The following DSCAML1 variants were observed in gnomAD, a reference collection of about 807,000 sequenced individuals.
The protein encoded by DSCAML1 is cell adhesion molecule DSCAML1.
DSCAML1 carries 38 observed loss-of-function variants against 200.5 expected under a neutral mutation model. That is an observed-to-expected ratio of 0.19 (90% CI 0.15 to 0.25). The LOEUF (loss-of-function observed/expected upper bound fraction) is 0.25, where lower values mean the gene tolerates loss of function less well. DSCAML1 is among the 10% of genes least tolerant of loss of function. The pLI, the probability that DSCAML1 is intolerant of heterozygous loss-of-function variation, is 1.00. For missense variants in DSCAML1, 2,223 were observed against 2,858.8 expected, an observed-to-expected ratio of 0.78 and a Z score of 5.07; for synonymous variants, 1,215 against 1,165.0, an observed-to-expected ratio of 1.04 and a Z score of -0.87.
chr11:117,448,875 T>C (rs959704492), intron 20 of DSCAML1, among the ~76,000 whole-genome samples: 2 of 152,114 alleles, frequency 1.3e-5, no homozygotes, highest in Non-Finnish European at 2.9e-5. Context: ...CAGAGATCCA[T>C]GCCCATGAGC....
At chr11:117,812,526 T>C (rs2055769720) in intron 1 of DSCAML1, among the ~76,000 whole-genome samples, 2 of 152,016 alleles carry the variant, frequency 1.3e-5, no homozygotes, top group South Asian at 4.1e-4. Context: ...TCAAACGTGC[T>C]TTCTTTACTA....
Position 117,430,787 on chromosome 11 carries a change from G to A in DSCAML1, c.5621C>T (p.Pro1874Leu). ...PGICRFTASP[P>L]KPQDADRGKN... ...GCCCCGGTCCGCATCCTGGGGCTTGGGTGGTGAGGCGGTAAAGCGGCAGAT... is the reference window on the plus strand; with the variant it reads ...GCCCCGGTCCGCATCCTGGGGCTTGAGTGGTGAGGCGGTAAAGCGGCAGAT... The change falls in exon 32 of 33, where the codon CCC becomes CTC. Residue 1874 changes from proline to leucine, a missense_variant. Pro to Leu is a moderately conservative substitution (Grantham distance 98). Coordinates refer to ENST00000651296, the MANE Select transcript of DSCAML1 (RefSeq NM_020693.4). The A allele has an allele frequency of 6.2e-7, 1 of 1,614,162 alleles. No homozygotes were observed. Among genetic ancestry groups the A allele is most frequent in the Middle Eastern group, 1.6e-4 (1 of 6,062 alleles).
intron 1 of DSCAML1, among the ~76,000 whole-genome samples, chr11:117,812,581 C>G (rs539145663): frequency 1.7e-4 from 26 of 152,008 alleles, no homozygotes; most frequent in Non-Finnish European, 3.4e-4. Flanking sequence ...TTCACTTGGA[C>G]TGACCCTGAC....
intron 3 of DSCAML1, among the ~76,000 whole-genome samples, chr11:117,585,904 G>T (rs116232693): frequency 5.9e-5 from 9 of 152,156 alleles, no homozygotes; most frequent in Non-Finnish European, 1.0e-4. Flanking sequence ...GATACCATGC[G>T]CCTTGCACTG....
intron 3 of DSCAML1, among the ~76,000 whole-genome samples, chr11:117,633,140 C>T (rs888136997): frequency 6.6e-6 from 1 of 152,028 alleles, no homozygotes; most frequent in African/African-American, 2.4e-5. Flanking sequence ...GGTGACAACT[C>T]CACTGAGAAG....
intron 3 of DSCAML1, among the ~76,000 whole-genome samples, chr11:117,565,646 A>C (rs1214374841): frequency 6.6e-6 from 1 of 152,208 alleles, no homozygotes; most frequent in Admixed American, 6.5e-5. Context: ...GGGTGGCAGG[A>C]AATGGCTTCA....
intron 16 of DSCAML1, among the ~76,000 whole-genome samples, chr11:117,466,655 C>T (rs2048586291): frequency 6.6e-6 from 1 of 152,006 alleles, no homozygotes; most frequent in Non-Finnish European, 1.5e-5. Flanking sequence ...GAGCCAAGAT[C>T]GACAGAGTGA....
intron 1 of DSCAML1, among the ~76,000 whole-genome samples, chr11:117,794,999 C>T (rs924100808): frequency 1.2e-4 from 18 of 152,336 alleles, no homozygotes; most frequent in African/African-American, 4.8e-5. Context: ...ACTTCCATCT[C>T]GAGTTGGACA....
chr11:117,436,960 C>T (rs2047929841), intron 26 of DSCAML1, among the ~76,000 whole-genome samples, 162 bp downstream of exon 26: 2 of 152,172 alleles, frequency 1.3e-5, no homozygotes. Flanking sequence ...AACCTGATGT[C>T]CCCTTTGTCA....
At chr11:117,802,299 C>A (rs2055667584) in intron 1 of DSCAML1, among the ~76,000 whole-genome samples, 1 of 152,182 alleles carries the variant, frequency 6.6e-6, no homozygotes, top group Non-Finnish European at 1.5e-5. Flanking sequence ...TGGTCTCCCA[C>A]TGCCTCAGAC....
At chr11:117,434,369 CCATT>C (rs1457251017) in intron 27 of DSCAML1, among the ~76,000 whole-genome samples, 2 of 152,142 alleles carry the variant, frequency 1.3e-5, no homozygotes, top group Admixed American at 1.3e-4. Context: ...AATTCAACAT[CCATT>C]CAATCATTCT....
At chr11:117,797,971 C>T (rs970613228), upstream of DSCAML1, among the ~76,000 whole-genome samples, 3 of 152,182 alleles carry the variant, frequency 2.0e-5, no homozygotes, top group Admixed American at 6.5e-5. Flanking sequence ...GGAGTGAGGG[C>T]GTCTTCTCAG....
rs747598074 is a variant in DSCAML1, at chr11:117,797,123, G to C, written c.-44C>G. On this transcript the variant is annotated 5_prime_UTR_variant, in exon 1 of 33. Transcript: ENST00000651296. The stretch of plus-strand genomic sequence containing the variant: ...TCTCCGGGGAGGTGGTCCTGTGGCC[G>C]GCCGTGCGGCAGCGCCTCTCCCCCG... The C allele has an allele frequency of 1.3e-6, 2 of 1,590,360 alleles. No homozygotes were observed. Among genetic ancestry groups the C allele is most frequent in the Admixed American group, 1.7e-5 (1 of 57,508 alleles).
At chr11:117,711,135 C>A (rs1465249336) in intron 3 of DSCAML1, among the ~76,000 whole-genome samples, 1 of 152,186 alleles carries the variant, frequency 6.6e-6, no homozygotes, top group Non-Finnish European at 1.5e-5. Flanking sequence ...CTTGAACAGG[C>A]TTTTTCCTTT....
At chr11:117,699,524 C>T (rs185966207) in intron 3 of DSCAML1, among the ~76,000 whole-genome samples, 18 of 152,310 alleles carry the variant, frequency 1.2e-4, no homozygotes, top group African/African-American at 2.4e-4. Context: ...GAGTGCTGCA[C>T]AGACCTCCCT....
chr11:117,785,924 C>T lies in DSCAML1; in HGVS notation c.47-5114G>A, dbSNP rs528930696. ...TCCTACAGCCAGGAAGAGATGGAGT[C>T]AAAATTCAACCAGCTCCAAACCCGA... On this transcript the variant is annotated intron_variant, in intron 1 of 32. Transcript: ENST00000651296. Among the ~76,000 whole-genome samples, 426 of 152,260 alleles carry T rather than the reference C, an allele frequency of 2.8e-3. 3 individuals carry two copies. The highest frequency in any genetic ancestry group is 9.7e-3 in the African/African-American group (403 of 41,560).
chr11:117,644,317 G>A lies in DSCAML1; in HGVS notation c.512-111795C>T, dbSNP rs74349436. On this transcript the variant is annotated intron_variant, in intron 3 of 32. Coordinates refer to ENST00000651296, the MANE Select transcript of DSCAML1 (RefSeq NM_020693.4). The stretch of plus-strand genomic sequence containing the variant: ...CGACTCCAGCCCTCATTTTAAAGGC[G>A]GGAGTGCAAAGGGGATTTCTGCGCA... Among the ~76,000 whole-genome samples, 1,087 of 152,338 alleles carry A rather than the reference G, an allele frequency of 7.1e-3. 29 individuals carry two copies. The highest frequency in any genetic ancestry group is 0.052 in the Admixed American group (792 of 15,308).
chr11:117,566,088 C>A (rs1414918667), intron 3 of DSCAML1, among the ~76,000 whole-genome samples: 6 of 152,152 alleles, frequency 3.9e-5, no homozygotes, highest in African/African-American at 1.4e-4. Context: ...GCAGACTATG[C>A]CATTTTATCC....
At chr11:117,597,388 A>G (rs776711966) in intron 3 of DSCAML1, among the ~76,000 whole-genome samples, 7 of 152,106 alleles carry the variant, frequency 4.6e-5, no homozygotes, top group Admixed American at 3.3e-4. Flanking sequence ...AGCAGCTAAG[A>G]CTCAACCTGA....
Sources: allele counts gnomAD v4.1 joint callset (sites outside exome capture counted in the v4.1 genomes callset), GRCh38; gene constraint gnomAD v4.1.1; transcripts MANE v1.5; gene names NCBI Gene and HGNC (gene_info 2026-07-23, HGNC 2026-07-21).